The following ARHGAP32 variants were observed in gnomAD, a reference collection of about 807,000 sequenced individuals.
ARHGAP32 encodes the protein rho GTPase-activating protein 32.
Under a neutral mutation model 186.5 loss-of-function variants are expected in ARHGAP32, and 51 were observed. The observed-to-expected ratio is 0.27, with a 90% CI of 0.22 to 0.35. ARHGAP32 has a LOEUF of 0.35. Among genes scored for constraint, ARHGAP32 ranks in the 10% least tolerant of loss-of-function variants. The pLI is 1.00. For synonymous variants in ARHGAP32, 950 were observed against 964.3 expected (o/e 0.99, Z 0.27); for missense variants, 2,186 against 2,623.5 (o/e 0.83, Z 3.64).
chr11:129,095,039 G>C (rs1266219529), intron 5 of ARHGAP32, among the ~76,000 whole-genome samples: 1 of 152,054 alleles, frequency 6.6e-6, no homozygotes, highest in African/African-American at 2.4e-5. Flanking sequence ...TGAGGAAAGT[G>C]GTATCACAAA....
intron 2 of ARHGAP32, among the ~76,000 whole-genome samples, chr11:129,145,065 C>T (rs1326183304): frequency 6.6e-6 from 1 of 151,948 alleles, no homozygotes; most frequent in African/African-American, 2.4e-5. Flanking sequence ...CATCTCAGTC[C>T]CTTATCATTA....
chr11:129,228,818 A>G (rs750497287), intron 1 of ARHGAP32, among the ~76,000 whole-genome samples: 3 of 152,200 alleles, frequency 2.0e-5, no homozygotes, highest in Admixed American at 6.5e-5. Flanking sequence ...GTTTACCTAC[A>G]TAACAAACCT....
intron 15 of ARHGAP32, among the ~76,000 whole-genome samples, chr11:128,984,725 T>C (rs1945811670): frequency 6.6e-6 from 1 of 152,110 alleles, no homozygotes; most frequent in African/African-American, 2.4e-5. Context: ...ATATAATATA[T>C]ATTAGAAGAC....
intron 6 of ARHGAP32, among the ~76,000 whole-genome samples, chr11:129,084,853 A>T (rs1030312493): frequency 6.6e-6 from 1 of 152,198 alleles, no homozygotes; most frequent in Non-Finnish European, 1.5e-5. Context: ...AAGGAATAAA[A>T]CTTTGTTTGC....
At chr11:129,034,492 T>C (rs943724898) in intron 11 of ARHGAP32, among the ~76,000 whole-genome samples, 7 of 152,184 alleles carry the variant, frequency 4.6e-5, no homozygotes, top group Non-Finnish European at 1.0e-4. Context: ...TTCTCTCTTC[T>C]ATCCCCCACC....
intron 5 of ARHGAP32, among the ~76,000 whole-genome samples, chr11:129,094,977 A>G (rs2135276822): frequency 6.6e-6 from 1 of 152,342 alleles, no homozygotes; most frequent in Admixed American, 6.5e-5. Context: ...GTAATGTACC[A>G]TTATAATTCA....
intron 11 of ARHGAP32, among the ~76,000 whole-genome samples, chr11:129,003,802 A>AT (rs1270360556): frequency 2.0e-5 from 3 of 151,610 alleles, no homozygotes; most frequent in African/African-American, 7.3e-5. Flanking sequence ...AGGTTTGTCA[A>AT]TTTTGTTTAA....
intron 6 of ARHGAP32, among the ~76,000 whole-genome samples, chr11:129,079,303 G>A (rs1178105485): frequency 2.0e-5 from 3 of 152,080 alleles, no homozygotes. Flanking sequence ...TAGGCCCATA[G>A]TCATCAGGGT....
At chr11:129,275,880 C>T in intron 1 of ARHGAP32, among the ~76,000 whole-genome samples, 1 of 152,262 alleles carries the variant, frequency 6.6e-6, no homozygotes, top group Non-Finnish European at 1.5e-5. Flanking sequence ...TTGCCCATCC[C>T]TTCCCTAAAT....
chr11:129,212,715 G>A (rs1246741430), intron 1 of ARHGAP32, among the ~76,000 whole-genome samples: 1 of 151,958 alleles, frequency 6.6e-6, no homozygotes, highest in Non-Finnish European at 1.5e-5. Context: ...TAAATGAAAT[G>A]GTCTGCAAAA....
chr11:128,987,974 C>T (rs1340336737), intron 13 of ARHGAP32, 49 bp downstream of exon 13: 2 of 1,192,706 alleles, frequency 1.7e-6, no homozygotes, highest in African/African-American at 1.6e-5. Context: ...AAAATATTTG[C>T]ATTTTAATTA....
intron 1 of ARHGAP32, among the ~76,000 whole-genome samples, chr11:129,278,822 G>C (rs1473002273): frequency 6.6e-6 from 1 of 151,448 alleles, no homozygotes; most frequent in Non-Finnish European, 1.5e-5. Flanking sequence ...CCCAGGAGTC[G>C]CGGCTGCCGC....
rs1468391138 is a variant in ARHGAP32 at position 128,969,944 on chromosome 11, C to G, written c.5269G>C (p.Asp1757His). ...CGGTATTTTTCCATGTCCTCAAGAT[C>G]CCATGAGGTGTAGGTGTGCTTCACA... ...ADVKHTYTSW[D>H]LEDMEKYRMQ... Residue 1757 changes from aspartate (D) to histidine (H), a missense_variant, in exon 23 of 23, where the codon GAT becomes CAT. This residue lies in a region of ARHGAP32 where 1,502 missense variants were observed against 1,570.0 expected (regional missense o/e 0.96). Transcript: ENST00000682385. This position sits in a 1 kb window ranked among gnomAD's most constrained non-coding sequence, Gnocchi z 4.8. 2 of 1,614,068 alleles carry G rather than the reference C, an allele frequency of 1.2e-6. No homozygotes were observed. Among genetic ancestry groups the G allele is most frequent in the East Asian group, 4.5e-5 (2 of 44,898 alleles).
intron 15 of ARHGAP32, among the ~76,000 whole-genome samples, chr11:128,985,615 C>A (rs991587381): frequency 7.2e-5 from 11 of 151,794 alleles, no homozygotes; most frequent in Admixed American, 2.0e-4. Context: ...GTAGCAACAA[C>A]AATAAAACCA....
chr11:129,113,600 A>C (rs547016789), intron 5 of ARHGAP32, among the ~76,000 whole-genome samples: 1 of 152,066 alleles, frequency 6.6e-6, no homozygotes, highest in South Asian at 2.1e-4. Context: ...GTTCATCTGC[A>C]AGTTTTTTCA....
At chr11:129,276,093 A>C (rs1326792489) in intron 1 of ARHGAP32, among the ~76,000 whole-genome samples, 2 of 152,232 alleles carry the variant, frequency 1.3e-5, no homozygotes, top group Admixed American at 1.3e-4. Context: ...CCTGTGCAAC[A>C]TAGCATGACC....
intron 1 of ARHGAP32, among the ~76,000 whole-genome samples, chr11:129,213,403 G>A (rs564232489): frequency 6.6e-6 from 1 of 152,232 alleles, no homozygotes; most frequent in African/African-American, 2.4e-5. Flanking sequence ...ACTTGCCAAA[G>A]GCAACTGACA....
At chr11:129,182,954 A>C (rs1944087356) in intron 1 of ARHGAP32, among the ~76,000 whole-genome samples, 2 of 152,012 alleles carry the variant, frequency 1.3e-5, no homozygotes, top group African/African-American at 4.8e-5. Flanking sequence ...GGCCTTAAAA[A>C]ATTTTTTATG....
At chr11:129,042,680 A>G (rs1306748884) in intron 10 of ARHGAP32, among the ~76,000 whole-genome samples, 2 of 152,224 alleles carry the variant, frequency 1.3e-5, no homozygotes, top group Non-Finnish European at 2.9e-5. Context: ...CGTAAATTAA[A>G]CAAATGTATA....
Sources: gnomAD v4.1 joint callset for allele counts (sites outside exome capture counted in the v4.1 genomes callset) on GRCh38, gnomAD v4.1.1 for gene constraint, gnomAD v4.1.1 regional missense constraint, Gnocchi (gnomAD v3.1) non-coding constraint, MANE v1.5 for transcripts, NCBI Gene and HGNC (gene_info 2026-07-23, HGNC 2026-07-21) for gene names.